Variants in OCIAD1 observed in about 807,000 individuals in gnomAD.
OCIAD1 encodes OCIA domain-containing protein 1.
Under a neutral mutation model 38.9 loss-of-function variants are expected in OCIAD1, and 29 were observed. The observed-to-expected ratio is 0.74, with a 90% CI of 0.55 to 1.02. The LOEUF (loss-of-function observed/expected upper bound fraction) is 1.02. Ranked by LOEUF, OCIAD1 falls within the 50% of genes least tolerant of loss-of-function variation. The pLI, the probability that OCIAD1 is intolerant of heterozygous loss-of-function variation, is 0.00. For missense variants in OCIAD1, 288 were observed against 289.6 expected, an observed-to-expected ratio of 0.99 and a Z score of 0.04; for synonymous variants, 110 against 92.0, an observed-to-expected ratio of 1.20 and a Z score of -1.12.
chr4:48,836,345 A>C (rs1392640188), intron 3 of OCIAD1, among the ~76,000 whole-genome samples: 3 of 152,216 alleles, frequency 2.0e-5, no homozygotes, highest in African/African-American at 7.2e-5. Flanking sequence ...TAATAGCTTT[A>C]AGATAACCAG....
intron 1 of OCIAD1, among the ~76,000 whole-genome samples, chr4:48,819,745 G>A (rs11520539): frequency 0.53 from 24,448 of 46,236 alleles, 4,774 homozygotes; most frequent in African/African-American, 0.61. Context: ...AAAAAAAAAA[G>A]GAGGGGTTGC....
Position 48,834,035 on chromosome 4 carries a change from G to T in OCIAD1, c.139+554G>T, listed in dbSNP as rs144629760. Among the ~76,000 whole-genome samples the T allele has an allele frequency of 2.4e-4, 36 of 152,116 alleles. No homozygotes were observed. In the East Asian group the frequency reaches 6.8e-3, roughly 29 times the overall value. ...ATATTTGTGTATATATATATATCAA[G>T]ATTGTATTTTTTAAATACAGAGATT... On this transcript the variant is annotated intron_variant, in intron 3 of 8. Transcript: ENST00000264312.
intron 1 of OCIAD1, chr4:48,831,630 G>A (rs1777512878): frequency 4.7e-6 from 5 of 1,055,174 alleles, no homozygotes; most frequent in Admixed American, 2.3e-5. Context: ...AGCCCTGACA[G>A]TCTTCCTGGT....
chr4:48,860,842 T>C lies in OCIAD1; in HGVS notation c.*80T>C. 1 of 960,602 alleles carries C rather than the reference T, an allele frequency of 1.0e-6. No homozygotes were observed. The highest frequency in any genetic ancestry group is 1.4e-5 in the South Asian group (1 of 73,082). The allele number at this position is 960,602 out of a possible 1,614,324, so 59.5% of individuals were successfully genotyped here. ...TCATGATTACCTGCATGCTTTGAGCTCAGCAGCAGTCTTCATAAACACATT... is the reference window on the plus strand; with the variant it reads ...TCATGATTACCTGCATGCTTTGAGCCCAGCAGCAGTCTTCATAAACACATT... On this transcript the variant is annotated 3_prime_UTR_variant, in exon 9 of 9. Transcript: ENST00000264312.
At chr4:48,814,001 A>T (rs556485718) in intron 1 of OCIAD1, among the ~76,000 whole-genome samples, 63 of 152,276 alleles carry the variant, frequency 4.1e-4, no homozygotes, top group South Asian at 1.2e-3. Flanking sequence ...CATTAAAAAA[A>T]TTTTTTAAGA....
intron 4 of OCIAD1, among the ~76,000 whole-genome samples, chr4:48,843,037 A>T (rs1041204221): frequency 2.0e-5 from 3 of 152,226 alleles, no homozygotes; most frequent in Non-Finnish European, 4.4e-5. Flanking sequence ...CTGTGTTTTA[A>T]CAAATTCGAA....
chr4:48,842,761 T>TA, intron 4 of OCIAD1, 72 bp downstream of exon 4: 1 of 805,948 alleles, frequency 1.2e-6, no homozygotes, highest in Non-Finnish European at 2.0e-6. Context: ...TTCCAGGTCT[T>TA]TAGAAAAAGT....
chr4:48,822,543 T>C (rs1166946469), intron 1 of OCIAD1, among the ~76,000 whole-genome samples: 10 of 152,004 alleles, frequency 6.6e-5, no homozygotes, highest in Non-Finnish European at 1.2e-4. Flanking sequence ...AATTGACAAA[T>C]GGGATCTAAT....
rs1376137456 is a variant in OCIAD1, at chr4:48,857,227, C to T, written c.562C>T (p.Leu188Phe). 1.3e-6 allele frequency: 2 copies of T among 1,543,778 alleles called. No homozygotes were observed. Among genetic ancestry groups the T allele is most frequent in the South Asian group, 2.6e-5 (2 of 78,378 alleles). ...DHIVQGPDPN[L>F]EESPKRKNIT... The stretch of plus-strand genomic sequence containing the variant: ...TGTTGTTTTAGGACCTGATCCCAAC[C>T]TTGAAGAAAGTCCTAAAAGAAAAAA... The change falls in exon 8 of 9, where the codon CTT becomes TTT. Residue 188 changes from leucine to phenylalanine, a missense_variant. Leu to Phe is a conservative substitution (Grantham distance 22, BLOSUM62 0). Transcript: ENST00000264312.
chr4:48,817,231 T>G (rs1353534687), intron 1 of OCIAD1, among the ~76,000 whole-genome samples: 1 of 152,186 alleles, frequency 6.6e-6, no homozygotes, highest in African/African-American at 2.4e-5. Flanking sequence ...TGAGGGACTG[T>G]GCTACCCAGC....
intron 7 of OCIAD1, chr4:48,856,897 C>G (rs1780087278): frequency 6.3e-6 from 1 of 159,650 alleles, no homozygotes; most frequent in East Asian, 1.7e-4. Flanking sequence ...GTTTAAAACA[C>G]TGGTATTTTA....
intron 8 of OCIAD1, among the ~76,000 whole-genome samples, chr4:48,858,240 A>T (rs1478088572): frequency 1.3e-5 from 2 of 152,288 alleles, no homozygotes; most frequent in South Asian, 2.1e-4. Flanking sequence ...CACAGGGTAG[A>T]GACATACTCA....
At chr4:48,828,472 G>A (rs1030287237), upstream of OCIAD1, among the ~76,000 whole-genome samples, 2 of 152,176 alleles carry the variant, frequency 1.3e-5, no homozygotes, top group Non-Finnish European at 2.9e-5. Context: ...CACTGTGGAA[G>A]CTTTGTTCTT....
chr4:48,848,335 T>G, intron 4 of OCIAD1, 64 bp from the exon 5 acceptor site: 1 of 774,656 alleles, frequency 1.3e-6, no homozygotes, highest in Non-Finnish European at 2.3e-6. Context: ...TATTTAAAGA[T>G]AGCCTTTACT....
upstream of OCIAD1, among the ~76,000 whole-genome samples, chr4:48,829,351 T>A (rs1777308077): frequency 6.6e-6 from 1 of 152,186 alleles, no homozygotes; most frequent in Non-Finnish European, 1.5e-5. Flanking sequence ...TTCTAGAATG[T>A]CTTTTAATTT....
intron 3 of OCIAD1, among the ~76,000 whole-genome samples, chr4:48,836,007 AAAC>A (rs2109526152): frequency 6.6e-6 from 1 of 152,312 alleles, no homozygotes; most frequent in East Asian, 1.9e-4. Context: ...ATAGAACGTA[AAAC>A]ATAGTAATGA....
intron 8 of OCIAD1, among the ~76,000 whole-genome samples, chr4:48,858,317 A>G (rs1780281834): frequency 6.6e-6 from 1 of 152,210 alleles, no homozygotes; most frequent in Admixed American, 6.5e-5. Context: ...CTAATGATAC[A>G]TCTATCGCAT....
At chr4:48,832,192 A>G (rs1305839258) in intron 1 of OCIAD1, among the ~76,000 whole-genome samples, 2 of 152,166 alleles carry the variant, frequency 1.3e-5, no homozygotes, top group African/African-American at 2.4e-5. Flanking sequence ...ATTTTTTAAT[A>G]TGGAAGCTCA....
intron 1 of OCIAD1, among the ~76,000 whole-genome samples, chr4:48,808,368 G>T (rs1777051311): frequency 6.6e-6 from 1 of 152,124 alleles, no homozygotes; most frequent in South Asian, 2.1e-4. Context: ...TACTCAGGAA[G>T]CTGAGGTGGT....
Sources: gnomAD v4.1 joint callset for allele counts (sites outside exome capture counted in the v4.1 genomes callset) on GRCh38, gnomAD v4.1.1 for gene constraint, MANE v1.5 for transcripts, NCBI Gene and HGNC (gene_info 2026-07-23, HGNC 2026-07-21) for gene names.